Variants in COASY observed in about 807,000 individuals in gnomAD.
The protein encoded by COASY is Coenzyme A synthase, also known as bifunctional coenzyme A synthase.
In COASY, 31 loss-of-function variants were observed where a neutral mutation model predicts 49.4. That is an observed-to-expected ratio of 0.63 (90% CI 0.47 to 0.85). The LOEUF is 0.85. Ranked by LOEUF, COASY falls within the 40% of genes least tolerant of loss-of-function variation. The pLI is 0.00. For synonymous variants in COASY, 285 were observed against 310.9 expected (o/e 0.92, Z 0.88); for missense variants, 730 against 734.1 (o/e 0.99, Z 0.06).
rs199842317 is a variant in COASY at position 42,564,516 on chromosome 17, A to G, written c.986A>G (p.Asp329Gly). ...CTCAGACATACAGAGAATGAAGAGG[A>G]CAAAGTCAGCTCCTCCAGCTTCCGC... is the stretch of plus-strand genomic sequence containing the variant. Reference protein sequence around the residue: ...KDLRHTENEEDKVSSSSFRQR... With the variant: ...KDLRHTENEEGKVSSSSFRQR... Residue 329 changes from aspartate to glycine, a missense_variant, in exon 3 of 9, where the codon GAC becomes GGC. By Grantham distance (94) the Asp-to-Gly change is moderately conservative. Coordinates refer to ENST00000393818, the MANE Select transcript of COASY (RefSeq NM_025233.7). 3.7e-6 allele frequency: 6 copies of G among 1,613,340 alleles called. No homozygotes were observed. The African/African-American group carries it at 8.0e-5, about 22-fold the overall frequency.
chr17:42,565,463 C>T lies in COASY; in HGVS notation c.1388-8C>T, dbSNP rs375555007. 5.8e-5 allele frequency: 93 copies of T among 1,613,992 alleles called. No homozygotes were observed. The African/African-American group carries it at 1.1e-3, about 18-fold the overall frequency. On this transcript the variant is annotated splice_polypyrimidine_tract_variant and splice_region_variant and intron_variant, in intron 6 of 8. Coordinates refer to ENST00000393818, the MANE Select transcript of COASY (RefSeq NM_025233.7). ...GCACTGCTGGCGGTGACTGGGGTCTCCCCACAGGAAAGCGTGTGTGTGTGA... is the reference window on the plus strand; with the variant it reads ...GCACTGCTGGCGGTGACTGGGGTCTTCCCACAGGAAAGCGTGTGTGTGTGA...
At position 42,565,668 on chromosome 17, in the gene COASY, C is replaced by T. The variant is rs140709867; in HGVS notation, c.1495C>T (p.Arg499Cys). 40 of 1,614,010 alleles carry T rather than the reference C, an allele frequency of 2.5e-5. No individual in the cohort carries two copies. The highest frequency in any genetic ancestry group is 5.0e-5 in the Admixed American group (3 of 60,012). ...TCTCGTCTGTGCTCAGGCTGTAAGA[C>T]GCATTGTGGAGAGGGATGGCCTCAG... ...AVIPETEAVRRIVERDGLSEA... is the reference protein window; with the variant it reads ...AVIPETEAVRCIVERDGLSEA... Residue 499 changes from arginine (R) to cysteine (C), a missense_variant, in exon 8 of 9, where the codon CGC (arginine) becomes TGC (cysteine). Arg to Cys is a radical substitution (Grantham distance 180). Transcript: ENST00000393818.
intron 6 of COASY, 48 bp from the exon 7 acceptor site, chr17:42,565,423 C>T: frequency 1.2e-6 from 2 of 1,610,896 alleles, no homozygotes; most frequent in Non-Finnish European, 1.7e-6. Context: ...CTGTGTTCTG[C>T]CTGGGAGAAC....
In COASY at chr17:42,565,693, G is replaced by C. The variant is rs749449687; in HGVS notation, c.1520G>C (p.Ser507Thr). ...CGCATTGTGGAGAGGGATGGCCTCA[G>C]TGAAGCCGCGGCTCAAAGCCGGCTG... is the stretch of plus-strand genomic sequence containing the variant. ...VRRIVERDGLSEAAAQSRLQS... is the reference protein window; with the variant it reads ...VRRIVERDGLTEAAAQSRLQS... The change falls in exon 8 of 9, where the codon AGT becomes ACT. Residue 507 changes from serine to threonine, a missense_variant. Transcript: ENST00000393818. 41 of 1,613,958 alleles carry C rather than the reference G, an allele frequency of 2.5e-5. No homozygotes were observed. Among genetic ancestry groups the C allele is most frequent in the Non-Finnish European group, 3.0e-5 (35 of 1,180,044 alleles).
At position 42,563,120 on chromosome 17, in the gene COASY, G is replaced by A. The variant is rs201301832; in HGVS notation, c.498G>A (p.Leu166=). Residue 166 remains leucine, a synonymous_variant, in exon 1 of 9, where the codon CTG becomes CTA. Coordinates refer to ENST00000393818, the MANE Select transcript of COASY (RefSeq NM_025233.7). ...YGIGEVPVEP[L]DVPLPSTIRP... ...TAGGAGAAGTGCCCGTGGAGCCCCT[G>A]GATGTCCCCTTACCCTCCACGATCA... The A allele has an allele frequency of 6.2e-7, 1 of 1,613,756 alleles. No individual in the cohort carries two copies.
In COASY at chr17:42,564,570, C is replaced by T. The variant is rs145315110; in HGVS notation, c.1040C>T (p.Pro347Leu). Residue 347 changes from proline to leucine, a missense_variant, in exon 3 of 9, where the codon CCT becomes CTT. Pro to Leu is a moderately conservative substitution (Grantham distance 98). Transcript: ENST00000393818. ...RQRMLGNLLR[P>L]PYERPELPTC... ...CGAATGTTGGGGAACCTGCTTCGGC[C>T]TCCATATGTAAGCTCCTCTCCCTCC... 6.4e-5 allele frequency: 103 copies of T among 1,612,104 alleles called. No homozygotes were observed. The highest frequency in any genetic ancestry group is 1.7e-4 in the Middle Eastern group (1 of 6,058).
chr17:42,562,507 C>A lies in COASY; in HGVS notation c.-116C>A. 2 of 1,613,404 alleles carry A rather than the reference C, an allele frequency of 1.2e-6. No homozygotes were observed. The highest frequency in any genetic ancestry group is 1.7e-6 in the Non-Finnish European group (2 of 1,179,778). On this transcript the variant is annotated 5_prime_UTR_variant, in exon 1 of 9. Transcript: ENST00000393818. ...CTGTCGGTCAGCACTGAAACCCCGTCCCTGCTCCAGGCCTCCTTCTCTGGG... is the reference window on the plus strand; with the variant it reads ...CTGTCGGTCAGCACTGAAACCCCGTACCTGCTCCAGGCCTCCTTCTCTGGG...
rs769818125 is a variant in COASY, at chr17:42,562,462, C to T, written c.-161C>T. 1.2e-5 allele frequency: 19 copies of T among 1,613,712 alleles called. No homozygotes were observed. In the East Asian group the frequency reaches 4.2e-4, roughly 36 times the overall value. ...AGCCCCGAGGCGCCGTCTACCAGGC[C>T]CCGTCCCCTCCCCCGGCTCCTGTCG... is the stretch of plus-strand genomic sequence containing the variant. On this transcript the variant is annotated 5_prime_UTR_variant, in exon 1 of 9. Coordinates refer to ENST00000393818, the MANE Select transcript of COASY (RefSeq NM_025233.7).
rs750696357 is a variant in COASY, at chr17:42,562,497, G to C, written c.-126G>C. 2 of 1,613,600 alleles carry C rather than the reference G, an allele frequency of 1.2e-6. No individual in the cohort carries two copies. The highest frequency in any genetic ancestry group is 4.5e-5 in the East Asian group (2 of 44,872). On this transcript the variant is annotated 5_prime_UTR_variant, in exon 1 of 9. The change abolishes the stop of an existing upstream ORF in the 5' untranslated region. Transcript: ENST00000393818. ...CCCCCGGCTCCTGTCGGTCAGCACT[G>C]AAACCCCGTCCCTGCTCCAGGCCTC...
chr17:42,565,134 G>T, intron 5 of COASY, 87 bp downstream of exon 5: 1 of 1,587,436 alleles, frequency 6.3e-7, no homozygotes, highest in Non-Finnish European at 8.7e-7. Flanking sequence ...GGCCCAGAAT[G>T]CCATTTCCAT....
In COASY at chr17:42,566,209, A is replaced by G; in HGVS notation, c.*241A>G. The G allele has an allele frequency of 3.5e-6, 2 of 568,660 alleles. No homozygotes were observed. Among genetic ancestry groups the G allele is most frequent in the South Asian group, 4.1e-5 (2 of 48,558 alleles). 35.2% of individuals were successfully genotyped at this position (568,660 alleles called of 1,614,324 possible). On this transcript the variant is annotated 3_prime_UTR_variant, in exon 9 of 9. Transcript: ENST00000393818. ...CCACTCTTGCCCATGGGTGACTCTTACCCACAGCTGACTAGGGCCAGCGCA... is the reference window on the plus strand; with the variant it reads ...CCACTCTTGCCCATGGGTGACTCTTGCCCACAGCTGACTAGGGCCAGCGCA...
chr17:42,565,401 T>C, intron 6 of COASY, 70 bp from the exon 7 acceptor site: 1 of 1,608,110 alleles, frequency 6.2e-7, no homozygotes, highest in East Asian at 2.2e-5. Context: ...GGACTGTCTG[T>C]TCACCCTGGG....
At position 42,565,366 on chromosome 17, in the gene COASY, C is replaced by T. The variant is rs548997873; in HGVS notation, c.1387+55C>T. 1.6e-5 allele frequency: 26 copies of T among 1,608,808 alleles called. No individual in the cohort carries two copies. In the Admixed American group the frequency reaches 3.3e-4, roughly 21 times the overall value. ...AGGGGACAGTTAAGCTGTTTCTTCC[C>T]CTGGGAGCTTCCCTGCCCAACGTGG... is the stretch of plus-strand genomic sequence containing the variant. On this transcript the variant is annotated intron_variant, in intron 6 of 8. Transcript: ENST00000393818.
intron 3 of COASY, 23 bp downstream of exon 3, chr17:42,564,600 C>A: frequency 6.3e-7 from 1 of 1,595,770 alleles, no homozygotes; most frequent in Non-Finnish European, 8.5e-7. Context: ...CCCTCCTTCC[C>A]TCCTGCTTGG....
chr17:42,565,641 TGTCTC>T lies in COASY; in HGVS notation c.1486-13_1486-9del. 1 of 1,613,962 alleles carries T rather than the reference TGTCTC, an allele frequency of 6.2e-7. No individual in the cohort carries two copies. The highest frequency in any genetic ancestry group is 8.5e-7 in the Non-Finnish European group (1 of 1,179,882). The stretch of plus-strand genomic sequence containing the variant: ...GTGAGCTGGAATTCTTCCTGACAAA[TGTCTC>T]GTCTGTGCTCAGGCTGTAAGACGCA... On this transcript the variant is annotated splice_polypyrimidine_tract_variant and intron_variant, in intron 7 of 8. Transcript: ENST00000393818.
At position 42,565,712 on chromosome 17, in the gene COASY, C is replaced by A; in HGVS notation, c.1539C>A (p.Ser513Arg). The change falls in exon 8 of 9, where the codon AGC becomes AGA. Residue 513 changes from serine (S) to arginine (R), a missense_variant. By Grantham distance (110) the Ser-to-Arg change is moderately radical. Transcript: ENST00000393818. ...GCCTCAGTGAAGCCGCGGCTCAAAG[C>A]CGGCTGCAGAGCCAGATGAGCGGGC... is the stretch of plus-strand genomic sequence containing the variant. The part of the protein sequence containing the change: ...RDGLSEAAAQ[S>R]RLQSQMSGQQ... 2 of 1,614,008 alleles carry A rather than the reference C, an allele frequency of 1.2e-6. No homozygotes were observed. The highest frequency in any genetic ancestry group is 2.2e-5 in the East Asian group (1 of 44,890).
chr17:42,565,377 C>T, intron 6 of COASY, 66 bp downstream of exon 6: 1 of 1,607,358 alleles, frequency 6.2e-7, no homozygotes, highest in Non-Finnish European at 8.5e-7. Flanking sequence ...CTGGGAGCTT[C>T]CCTGCCCAAC....
intron 1 of COASY, chr17:42,563,647 G>C (rs1169468736): frequency 1.6e-5 from 8 of 515,714 alleles, no homozygotes; most frequent in Non-Finnish European, 1.7e-5. Context: ...CCACAGACAG[G>C]AGGAGGAAAC....
In COASY at chr17:42,564,728, C is replaced by T. The variant is rs1567905243; in HGVS notation, c.1067C>T (p.Thr356Ile). Residue 356 changes from threonine to isoleucine, a missense_variant, in exon 4 of 9, where the codon ACA becomes ATA. Transcript: ENST00000393818. ...RPPYERPELP[T>I]CLYVIGLTGI... ...CCCCAGGAAAGGCCAGAGCTCCCCA[C>T]ATGTCTCTATGTAATTGGGCTGACT... is the stretch of plus-strand genomic sequence containing the variant. The T allele has an allele frequency of 6.5e-7, 1 of 1,527,694 alleles. No homozygotes were observed. The highest frequency in any genetic ancestry group is 1.3e-5 in the South Asian group (1 of 75,510). 94.6% of individuals were successfully genotyped at this position (1,527,694 alleles called of 1,614,324 possible).
Sources: allele counts gnomAD v4.1 joint callset, GRCh38; gene constraint gnomAD v4.1.1; transcripts MANE v1.5; gene names NCBI Gene and HGNC (gene_info 2026-07-23, HGNC 2026-07-21).